KAT6B: variants seen among roughly 807,000 people sequenced by gnomAD.
KAT6B encodes the protein histone acetyltransferase KAT6B.
Under a neutral mutation model 187.5 loss-of-function variants are expected in KAT6B, and 10 were observed. The ratio of observed to expected loss-of-function variants is 0.05; its 90% CI spans 0.03 to 0.09. The LOEUF is 0.09. KAT6B is among the 10% of genes least tolerant of loss of function. The pLI is 1.00. For synonymous variants in KAT6B, 861 were observed against 926.8 expected, an observed-to-expected ratio of 0.93 and a Z score of 1.29; for missense variants, 1,952 against 2,558.9, an observed-to-expected ratio of 0.76 and a Z score of 5.12.
chr10:74,948,282 A>G (rs772091850), intron 3 of KAT6B, among the ~76,000 whole-genome samples: 6 of 152,248 alleles, frequency 3.9e-5, no homozygotes, highest in South Asian at 2.1e-4. Context: ...TGGAGTACCA[A>G]TTATATTCTG....
chr10:74,882,778 C>G (rs1844945511), intron 3 of KAT6B, among the ~76,000 whole-genome samples: 1 of 152,172 alleles, frequency 6.6e-6, no homozygotes, highest in Non-Finnish European at 1.5e-5. Flanking sequence ...ATTTAAGAAG[C>G]CTGATAAAGT....
intron 3 of KAT6B, among the ~76,000 whole-genome samples, chr10:74,916,088 G>A (rs898354583): frequency 4.6e-5 from 7 of 152,132 alleles, no homozygotes; most frequent in African/African-American, 1.2e-4. Context: ...GCTTGAACCC[G>A]GAGGCGGAGG....
rs768628252 is a variant in KAT6B at position 75,028,866 on chromosome 10, A to G, written c.4042A>G (p.Ile1348Val). ...AGGTGAAAAACCAGAAGATGATCTC[A>G]TCAAACCTGAGGAAGAGGAAGAGGA... ...SPGEKPEDDL[I>V]KPEEEEEEEE... is the part of the protein sequence containing the mutation. Residue 1348 changes from isoleucine to valine, a missense_variant, in exon 18 of 18, where the codon ATC becomes GTC. This residue lies in a region of KAT6B where 758 missense variants were observed against 891.4 expected (regional missense o/e 0.85). Transcript: ENST00000287239. 1 of 1,599,958 alleles carries G rather than the reference A, an allele frequency of 6.3e-7. No homozygotes were observed. Among genetic ancestry groups the G allele is most frequent in the Non-Finnish European group, 8.6e-7 (1 of 1,167,162 alleles).
At chr10:74,951,725 A>G (rs955946730) in intron 3 of KAT6B, among the ~76,000 whole-genome samples, 1 of 152,244 alleles carries the variant, frequency 6.6e-6, no homozygotes, top group South Asian at 2.1e-4. Context: ...TATGTGTGTC[A>G]GAGTAAAAAA....
intron 3 of KAT6B, among the ~76,000 whole-genome samples, chr10:74,884,638 G>T (rs978292174): frequency 1.3e-5 from 2 of 151,594 alleles, no homozygotes; most frequent in Non-Finnish European, 2.9e-5. Context: ...GCGTGATCTG[G>T]GCTCACTGCA....
Position 75,030,488 on chromosome 10 carries a change from A to C in KAT6B, c.5664A>C (p.Pro1888=). 6.2e-7 allele frequency: 1 copy of C among 1,612,078 alleles called. No individual in the cohort carries two copies. Reference sequence around the variant, plus strand: ...CACCCCCCAACCTGACTCCTCCTCCAATGAATCTGCCGCCGCCTCTTTTGC... The same window carrying C: ...CACCCCCCAACCTGACTCCTCCTCCCATGAATCTGCCGCCGCCTCTTTTGC... The part of the protein sequence containing the change: ...MTPPPNLTPP[P]MNLPPPLLQR... Residue 1888 remains proline (P), a synonymous_variant, in exon 18 of 18, where the codon CCA becomes CCC. Transcript: ENST00000287239. This position sits in a 1 kb window ranked among gnomAD's most constrained non-coding sequence, Gnocchi z 4.8.
intron 12 of KAT6B, among the ~76,000 whole-genome samples, chr10:74,988,067 T>A (rs940314802): frequency 6.6e-6 from 1 of 152,250 alleles, no homozygotes; most frequent in South Asian, 2.1e-4. Flanking sequence ...TAGGGTTTTT[T>A]CCACAACCAT....
In KAT6B at chr10:74,952,368, T is replaced by C. The variant is rs1589692449; in HGVS notation, c.622-7602T>C. 4.7e-5 allele frequency among the ~76,000 whole-genome samples: 7 copies of C among 148,710 alleles called. No homozygotes were observed. In the South Asian group the frequency reaches 1.5e-3, roughly 32 times the overall value. ...AGTGGTGTCTCCTAAAAAAAAAAGG[T>C]ATGGAGATTCTGGAGTGGTGCCAGT... is the stretch of plus-strand genomic sequence containing the variant. On this transcript the variant is annotated intron_variant, in intron 3 of 17. Coordinates refer to ENST00000287239, the MANE Select transcript of KAT6B (RefSeq NM_012330.4).
At chr10:74,905,317 C>T (rs1846677776) in intron 3 of KAT6B, among the ~76,000 whole-genome samples, 1 of 152,196 alleles carries the variant, frequency 6.6e-6, no homozygotes. Context: ...AACCTGCCTG[C>T]TCTCTAGGGA....
chr10:75,000,205 C>G (rs1843734352), intron 13 of KAT6B, among the ~76,000 whole-genome samples: 1 of 148,248 alleles, frequency 6.7e-6, no homozygotes, highest in Admixed American at 6.8e-5. Flanking sequence ...CAAAGCAAAA[C>G]AAAACAAAAC....
chr10:74,956,598 C>G (rs1201967578), intron 3 of KAT6B, among the ~76,000 whole-genome samples: 1 of 152,170 alleles, frequency 6.6e-6, no homozygotes, highest in Admixed American at 6.5e-5. Flanking sequence ...GAAATGGGCT[C>G]TCATGAAGAC....
intron 3 of KAT6B, among the ~76,000 whole-genome samples, chr10:74,929,738 C>T (rs181103835): frequency 6.6e-6 from 1 of 152,188 alleles, no homozygotes; most frequent in East Asian, 1.9e-4. Context: ...TTATTTATTA[C>T]TACATTCTAG....
intron 3 of KAT6B, among the ~76,000 whole-genome samples, chr10:74,952,055 A>C (rs1419474520): frequency 6.6e-6 from 1 of 152,202 alleles, no homozygotes; most frequent in Admixed American, 6.5e-5. Flanking sequence ...AATGAAGAAA[A>C]ATAAAGCCAA....
chr10:74,851,100 A>C (rs1842446390), intron 3 of KAT6B, among the ~76,000 whole-genome samples: 1 of 149,190 alleles, frequency 6.7e-6, no homozygotes. Context: ...AATAAGAAAA[A>C]AATCAAAATG....
At chr10:75,019,661 T>C (rs1028393949) in intron 13 of KAT6B, among the ~76,000 whole-genome samples, 2 of 152,196 alleles carry the variant, frequency 1.3e-5, no homozygotes, top group African/African-American at 4.8e-5. Context: ...GTAGACATCA[T>C]TAGCTTATAG....
intron 3 of KAT6B, among the ~76,000 whole-genome samples, chr10:74,861,131 C>T (rs1285725512): frequency 4.0e-5 from 6 of 150,414 alleles, no homozygotes; most frequent in East Asian, 2.0e-4. Context: ...AGTGAACCTC[C>T]GTCTCAAAAA....
At chr10:74,835,374 G>A (rs1270365659) in intron 1 of KAT6B, among the ~76,000 whole-genome samples, 2 of 152,184 alleles carry the variant, frequency 1.3e-5, no homozygotes, top group Non-Finnish European at 2.9e-5. Flanking sequence ...TCTTCCTTCT[G>A]TAATCAGAGG....
At chr10:74,977,478 G>A in intron 9 of KAT6B, 41 bp downstream of exon 9, 1 of 1,609,546 alleles carries the variant, frequency 6.2e-7, no homozygotes, top group Non-Finnish European at 8.5e-7. Context: ...AGTATAAGAT[G>A]TGGCTTCTAA....
In KAT6B at chr10:74,999,189, G is replaced by A. The variant is rs1486422054; in HGVS notation, c.2629+10077G>A. Among the ~76,000 whole-genome samples, 14 of 152,338 alleles carry A rather than the reference G, an allele frequency of 9.2e-5. No individual in the cohort carries two copies. In the South Asian group the frequency reaches 1.2e-3, roughly 14 times the overall value. On this transcript the variant is annotated intron_variant, in intron 13 of 17. Transcript: ENST00000287239. ...AAAAGAGGCAGGTCCTGTTCGTTCC[G>A]TAGCAGGAGCATGCCTGGTGCAGAG... is the stretch of plus-strand genomic sequence containing the variant.
Sources: allele counts gnomAD v4.1 joint callset (sites outside exome capture counted in the v4.1 genomes callset), GRCh38; gene constraint gnomAD v4.1.1; regional missense constraint gnomAD v4.1.1; non-coding constraint Gnocchi (gnomAD v3.1); transcripts MANE v1.5; gene names NCBI Gene and HGNC (gene_info 2026-07-23, HGNC 2026-07-21).